Variants in FGF14 observed in about 807,000 individuals in gnomAD.
FGF14 encodes the protein fibroblast growth factor homologous factor 4.
FGF14 carries 5 observed loss-of-function variants against 25.5 expected under a neutral mutation model. That is an observed-to-expected ratio of 0.20 (90% CI 0.10 to 0.41). The LOEUF (loss-of-function observed/expected upper bound fraction) is 0.41, where lower values mean the gene tolerates loss of function less well. Ranked by LOEUF, FGF14 falls within the 10% of genes least tolerant of loss-of-function variation. FGF14 has a pLI of 1.00. For synonymous variants in FGF14, 138 were observed against 118.3 expected (o/e 1.17, Z -1.08); for missense variants, 222 against 320.1 (o/e 0.69, Z 2.34).
intron 1 of FGF14, among the ~76,000 whole-genome samples, chr13:102,108,895 G>A (rs528413023): frequency 3.9e-5 from 6 of 152,208 alleles, no homozygotes; most frequent in Admixed American, 1.3e-4. Context: ...TTGTCCTTAT[G>A]TTACTTCATC....
chr13:101,989,129 A>G (rs1028207479), intron 1 of FGF14, among the ~76,000 whole-genome samples: 1 of 152,100 alleles, frequency 6.6e-6, no homozygotes, highest in African/African-American at 2.4e-5. Flanking sequence ...TATTTCACTG[A>G]AGATATACTT....
intron 1 of FGF14, among the ~76,000 whole-genome samples, chr13:102,396,565 G>T (rs887689645): frequency 3.9e-5 from 6 of 152,168 alleles, no homozygotes; most frequent in Non-Finnish European, 8.8e-5. Flanking sequence ...GGAAGACTGG[G>T]TTCGAACATT....
At chr13:101,775,226 A>G (rs1025929429) in intron 3 of FGF14, among the ~76,000 whole-genome samples, 12 of 152,284 alleles carry the variant, frequency 7.9e-5, no homozygotes, top group African/African-American at 2.6e-4. Flanking sequence ...TAATAAAGAA[A>G]TTAGATAGAA....
chr13:102,227,069 C>A (rs574757162), intron 1 of FGF14, among the ~76,000 whole-genome samples: 1 of 152,208 alleles, frequency 6.6e-6, no homozygotes, highest in Non-Finnish European at 1.5e-5. Flanking sequence ...GACTGCCTGT[C>A]TAGTCCTGGC....
At chr13:101,768,813 A>C (rs926522390) in intron 3 of FGF14, among the ~76,000 whole-genome samples, 2 of 152,182 alleles carry the variant, frequency 1.3e-5, no homozygotes, top group African/African-American at 4.8e-5. Context: ...TCATAACATT[A>C]ACTTAAAATG....
chr13:102,080,993 T>C (rs960485045), intron 1 of FGF14, among the ~76,000 whole-genome samples: 3 of 152,244 alleles, frequency 2.0e-5, no homozygotes, highest in African/African-American at 4.8e-5. Context: ...ATGAGGGATG[T>C]TGGGATGTTC....
intron 1 of FGF14, among the ~76,000 whole-genome samples, chr13:102,133,383 C>T (rs1050195833): frequency 5.9e-5 from 9 of 152,116 alleles, no homozygotes; most frequent in Non-Finnish European, 1.0e-4. Flanking sequence ...TTACGAATGT[C>T]TTATTAAAAT....
chr13:101,925,158 AAAAT>A (rs1241058403), intron 1 of FGF14, among the ~76,000 whole-genome samples: 1 of 152,234 alleles, frequency 6.6e-6, no homozygotes. Context: ...TTAGAATATA[AAAAT>A]AAATGACAAA....
At chr13:101,931,574 G>A (rs2034751959) in intron 1 of FGF14, among the ~76,000 whole-genome samples, 1 of 152,178 alleles carries the variant, frequency 6.6e-6, no homozygotes, top group Non-Finnish European at 1.5e-5. Context: ...CAGGGACTTT[G>A]TTTTGTTCAC....
intron 1 of FGF14, among the ~76,000 whole-genome samples, chr13:101,954,439 T>A (rs887366112): frequency 2.0e-5 from 3 of 152,218 alleles, no homozygotes; most frequent in African/African-American, 7.2e-5. Flanking sequence ...TCTTCTAAAT[T>A]TTTGAAGAAA....
At chr13:102,172,581 G>C (rs951985064) in intron 1 of FGF14, among the ~76,000 whole-genome samples, 1 of 152,044 alleles carries the variant, frequency 6.6e-6, no homozygotes, top group Non-Finnish European at 1.5e-5. Context: ...TGGGGAGACT[G>C]TACTCTCCCC....
chr13:102,058,926 AG>A (rs1302660891), intron 1 of FGF14, among the ~76,000 whole-genome samples: 1 of 148,640 alleles, frequency 6.7e-6, no homozygotes, highest in Non-Finnish European at 1.5e-5. Flanking sequence ...TCAACAGACC[AG>A]GAATTTCATC....
chr13:102,371,037 T>C (rs928928292), intron 1 of FGF14, among the ~76,000 whole-genome samples: 12 of 152,156 alleles, frequency 7.9e-5, no homozygotes, highest in Non-Finnish European at 1.8e-4. Context: ...GCAACTACAC[T>C]ATTCCTATTG....
chr13:101,825,081 C>A (rs2042336463), intron 3 of FGF14, among the ~76,000 whole-genome samples: 1 of 152,166 alleles, frequency 6.6e-6, no homozygotes, highest in Admixed American at 6.5e-5. Flanking sequence ...GTTCTGTAAA[C>A]CACTCTAGCA....
At chr13:101,894,194 G>T (rs879924079) in intron 1 of FGF14, among the ~76,000 whole-genome samples, 2 of 152,060 alleles carry the variant, frequency 1.3e-5, no homozygotes, top group Non-Finnish European at 2.9e-5. Context: ...AGATTGGATT[G>T]TATCTACATT....
At chr13:102,153,714 C>T (rs1473943700) in intron 1 of FGF14, among the ~76,000 whole-genome samples, 1 of 152,132 alleles carries the variant, frequency 6.6e-6, no homozygotes, top group African/African-American at 2.4e-5. Flanking sequence ...CCCTCCTTGC[C>T]TTCCCAGCCT....
At chr13:102,161,668 A>T (rs866762496) in intron 1 of FGF14, among the ~76,000 whole-genome samples, 6,925 of 47,030 alleles carry the variant, frequency 0.15, 631 homozygotes, top group Non-Finnish European at 0.19. Flanking sequence ...GAAGAAGAAG[A>T]AGAAGAAGAA....
intron 1 of FGF14, among the ~76,000 whole-genome samples, chr13:102,358,407 T>G (rs1485922043): frequency 1.3e-5 from 2 of 152,214 alleles, no homozygotes; most frequent in African/African-American, 4.8e-5. Flanking sequence ...GTTTCCTAAC[T>G]TACAGGCTTG....
intron 1 of FGF14, among the ~76,000 whole-genome samples, chr13:102,166,206 AAAG>A (rs2048001329): frequency 6.6e-6 from 1 of 151,636 alleles, no homozygotes. Context: ...AAGAAAAAAG[AAAG>A]AATACAGTCT....
Sources: gnomAD v4.1 joint callset for allele counts (sites outside exome capture counted in the v4.1 genomes callset) on GRCh38, gnomAD v4.1.1 for gene constraint, MANE v1.5 for transcripts, NCBI Gene and HGNC (gene_info 2026-07-23, HGNC 2026-07-21) for gene names.